TPRG1: variants seen among roughly 807,000 people sequenced by gnomAD.
The protein encoded by TPRG1 is tumor protein p63-regulated gene 1 protein.
A neutral mutation model predicts 29.3 loss-of-function variants in TPRG1; 29 were observed. The ratio of observed to expected loss-of-function variants is 0.99; its 90% confidence interval spans 0.74 to 1.35. The LOEUF (loss-of-function observed/expected upper bound fraction) is 1.35, where lower values mean the gene tolerates loss of function less well. Ranked by LOEUF, TPRG1 falls within the 40% of genes most tolerant of loss-of-function variation. The pLI, the probability that TPRG1 is intolerant of heterozygous loss-of-function variation, is 0.00. For synonymous variants in TPRG1, 130 were observed against 116.8 expected (o/e 1.11, Z -0.73); for missense variants, 327 against 335.0 (o/e 0.98, Z 0.19).
intron 4 of TPRG1, among the ~76,000 whole-genome samples, chr3:189,057,888 G>A (rs147007775): frequency 0.012 from 1,608 of 139,232 alleles, 36 homozygotes; most frequent in African/African-American, 0.043. Context: ...ATATATATAC[G>A]TATACACATA....
chr3:189,204,737 A>T (rs1341477104), intron 1 of TPRG1, among the ~76,000 whole-genome samples: 1 of 152,126 alleles, frequency 6.6e-6, no homozygotes, highest in Non-Finnish European at 1.5e-5. Flanking sequence ...GTGCGCAAAT[A>T]CAGAAGCAGG....
intron 4 of TPRG1, among the ~76,000 whole-genome samples, chr3:189,281,889 T>A (rs537799717): frequency 1.3e-5 from 2 of 152,210 alleles, no homozygotes; most frequent in Non-Finnish European, 2.9e-5. Flanking sequence ...TTTTATTTTT[T>A]ATTTTTTTGG....
At chr3:189,315,016 G>A (rs1723257856) in intron 5 of TPRG1, among the ~76,000 whole-genome samples, 1 of 152,056 alleles carries the variant, frequency 6.6e-6, no homozygotes, top group Non-Finnish European at 1.5e-5. Context: ...TCCCATTCCA[G>A]TTACCTATAA....
intron 1 of TPRG1, among the ~76,000 whole-genome samples, chr3:189,191,350 G>A (rs1731663707): frequency 2.0e-5 from 3 of 152,162 alleles, no homozygotes; most frequent in African/African-American, 7.2e-5. Flanking sequence ...GAATCTGAAT[G>A]TCATTTTTAA....
chr3:189,190,755 T>C (rs1021616655), intron 1 of TPRG1, among the ~76,000 whole-genome samples: 3 of 152,186 alleles, frequency 2.0e-5, no homozygotes, highest in Non-Finnish European at 2.9e-5. Context: ...TTGAGAGGTA[T>C]GATTACAACA....
At chr3:189,278,374 T>C (rs1576936757) in intron 4 of TPRG1, among the ~76,000 whole-genome samples, 1 of 152,134 alleles carries the variant, frequency 6.6e-6, no homozygotes, top group East Asian at 1.9e-4. Context: ...CTCACAGGCC[T>C]GTGTCTTCTA....
At chr3:189,091,084 T>G (rs1002689250) in intron 4 of TPRG1, among the ~76,000 whole-genome samples, 1 of 152,104 alleles carries the variant, frequency 6.6e-6, no homozygotes, top group Non-Finnish European at 1.5e-5. Context: ...CATTGACTTA[T>G]TGTAGGGATT....
chr3:189,043,910 A>C (rs549839453), intron 4 of TPRG1, among the ~76,000 whole-genome samples: 1 of 152,184 alleles, frequency 6.6e-6, no homozygotes, highest in Non-Finnish European at 1.5e-5. Context: ...ATGAATAACG[A>C]GTGCCATCTA....
intron 1 of TPRG1, among the ~76,000 whole-genome samples, chr3:189,125,230 T>A (rs1722312262): frequency 6.6e-6 from 1 of 152,206 alleles, no homozygotes; most frequent in African/African-American, 2.4e-5. Context: ...GCAAGTCAAA[T>A]CCTTGTTGTT....
chr3:189,182,004 A>T (rs1346357449), intron 1 of TPRG1, among the ~76,000 whole-genome samples: 1 of 152,172 alleles, frequency 6.6e-6, no homozygotes, highest in Non-Finnish European at 1.5e-5. Flanking sequence ...TGGGCAGGGT[A>T]ACTCCTCTTT....
intron 5 of TPRG1, among the ~76,000 whole-genome samples, chr3:189,151,816 G>A (rs543049276): frequency 6.6e-6 from 1 of 152,236 alleles, no homozygotes; most frequent in South Asian, 2.1e-4. Context: ...GGGAGGCAGA[G>A]GTTGCAGTGA....
At chr3:189,192,010 TG>T (rs1731768530) in intron 1 of TPRG1, among the ~76,000 whole-genome samples, 1 of 152,166 alleles carries the variant, frequency 6.6e-6, no homozygotes, top group Non-Finnish European at 1.5e-5. Flanking sequence ...ACAGATTTTG[TG>T]GGGATCCAGG....
chr3:189,126,251 G>T (rs1217515422), intron 1 of TPRG1, among the ~76,000 whole-genome samples: 4 of 152,046 alleles, frequency 2.6e-5, no homozygotes, highest in African/African-American at 4.8e-5. Flanking sequence ...TACATGGAGG[G>T]TAGAGCTATA....
Position 189,032,673 on chromosome 3 carries a change from G to T in TPRG1, c.-463+8727G>T, listed in dbSNP as rs1029081509. On this transcript the variant is annotated intron_variant, in intron 4 of 10. Transcript: ENST00000433971. ...CAGGTTAGTTACATATGTATACATG[G>T]GCCATGCTGGTGTGCTGCACCCGTT... 5.1e-4 allele frequency among the ~76,000 whole-genome samples: 77 copies of T among 150,686 alleles called. 1 individual carries two copies. The highest frequency in any genetic ancestry group is 8.7e-4 in the Non-Finnish European group (59 of 67,716).
intron 3 of TPRG1, among the ~76,000 whole-genome samples, chr3:189,021,393 C>T (rs1257323154): frequency 9.9e-5 from 15 of 151,956 alleles, no homozygotes; most frequent in East Asian, 1.9e-4. Flanking sequence ...CCATGTTTAG[C>T]GCTTCCTTCA....
chr3:189,251,432 T>C (rs1055972850), intron 4 of TPRG1, among the ~76,000 whole-genome samples: 1 of 151,962 alleles, frequency 6.6e-6, no homozygotes, highest in East Asian at 1.9e-4. Context: ...ACGAGAGACT[T>C]GGAAAAGAAA....
chr3:189,098,905 G>A (rs915459358), upstream of TPRG1, among the ~76,000 whole-genome samples: 2 of 152,122 alleles, frequency 1.3e-5, no homozygotes, highest in Admixed American at 1.3e-4. Flanking sequence ...TCACCCTGCA[G>A]TGTCTGGCAG....
At chr3:189,219,542 TA>T (rs1164566944) in intron 3 of TPRG1, 7 of 1,215,562 alleles carry the variant, frequency 5.8e-6, no homozygotes, top group Non-Finnish European at 7.3e-6. Flanking sequence ...AAGATTATTT[TA>T]AAAAAACTAT....
rs1334747549 is a variant in TPRG1, at chr3:189,299,780, A to G, written c.480-10606A>G. Among the ~76,000 whole-genome samples, 3 of 152,200 alleles carry G rather than the reference A, an allele frequency of 2.0e-5. No homozygotes were observed. In the East Asian group the frequency reaches 5.8e-4, roughly 29 times the overall value. On this transcript the variant is annotated intron_variant, in intron 4 of 5. Transcript: ENST00000345063. ...CTCACAGTTCATTTGATGATGTAAC[A>G]TTAGTATATAGAATAATTTCATATT...
Sources: allele counts gnomAD v4.1 joint callset (sites outside exome capture counted in the v4.1 genomes callset), GRCh38; gene constraint gnomAD v4.1.1; transcripts MANE v1.5; gene names NCBI Gene and HGNC (gene_info 2026-07-23, HGNC 2026-07-21).